Variants in EPC2 observed in about 807,000 individuals in gnomAD.
The protein encoded by EPC2 is enhancer of polycomb homolog 2.
EPC2 carries 14 observed loss-of-function variants against 92.1 expected under a neutral mutation model. That is an observed-to-expected ratio of 0.15 (90% CI 0.10 to 0.24). EPC2 has a LOEUF of 0.24. Ranked by LOEUF, EPC2 falls within the 10% of genes least tolerant of loss-of-function variation. EPC2 has a pLI of 1.00. For synonymous variants in EPC2, 340 were observed against 334.7 expected (o/e 1.02, Z -0.17); for missense variants, 755 against 971.5 (o/e 0.78, Z 2.96).
chr2:148,713,263 T>C (rs1682191369), intron 2 of EPC2, among the ~76,000 whole-genome samples: 1 of 152,152 alleles, frequency 6.6e-6, no homozygotes, highest in Non-Finnish European at 1.5e-5. Flanking sequence ...GGACAAGATG[T>C]AGACATGGAA....
rs551014040 is a variant in EPC2 at position 148,665,558 on chromosome 2, C to T, written c.153+20388C>T. On this transcript the variant is annotated intron_variant, in intron 1 of 13. Transcript: ENST00000258484. ...AAAGAGTAAACATTTGTTGCATTAT[C>T]AAGTGGTACAAGTTAGCATTATACA... Among the ~76,000 whole-genome samples the T allele has an allele frequency of 3.4e-4, 52 of 152,294 alleles. No homozygotes were observed. In the Middle Eastern group the frequency reaches 0.024, roughly 70 times the overall value.
intron 2 of EPC2, among the ~76,000 whole-genome samples, chr2:148,709,264 A>G (rs1360079337): frequency 6.6e-6 from 1 of 152,210 alleles, no homozygotes. Flanking sequence ...AGAGAATAAA[A>G]TACTTAGGAA....
At chr2:148,694,881 C>A (rs1396499254) in intron 2 of EPC2, among the ~76,000 whole-genome samples, 1 of 152,130 alleles carries the variant, frequency 6.6e-6, no homozygotes, top group Non-Finnish European at 1.5e-5. Context: ...TAAGCAATTC[C>A]TCTGCCTCAG....
rs753753207 is a variant in EPC2 at position 148,769,259 on chromosome 2, G to C, written c.1230+19G>C. Reference sequence around the variant, plus strand: ...TTATGCTGTAAGAACTTTTGTGTGTGTGTGGTGTTTTTGTGAACTGGAATT... The same window carrying C: ...TTATGCTGTAAGAACTTTTGTGTGTCTGTGGTGTTTTTGTGAACTGGAATT... On this transcript the variant is annotated intron_variant, in intron 8 of 13. Coordinates refer to ENST00000258484, the MANE Select transcript of EPC2 (RefSeq NM_015630.4). 17 of 1,574,668 alleles carry C rather than the reference G, an allele frequency of 1.1e-5. No homozygotes were observed. In the Middle Eastern group the frequency reaches 6.7e-4, roughly 62 times the overall value.
At chr2:148,653,755 G>C (rs1465069030) in intron 1 of EPC2, among the ~76,000 whole-genome samples, 1 of 150,332 alleles carries the variant, frequency 6.7e-6, no homozygotes, top group Non-Finnish European at 1.5e-5. Context: ...TGGTTGGGGA[G>C]TCAACAAGCA....
intron 2 of EPC2, among the ~76,000 whole-genome samples, chr2:148,733,866 G>A (rs116753086): frequency 0.018 from 2,727 of 152,096 alleles, 73 homozygotes; most frequent in African/African-American, 0.061. Context: ...CCTTTTCACA[G>A]CCTTACCAAA....
chr2:148,710,521 A>G (rs1247093125), intron 2 of EPC2, among the ~76,000 whole-genome samples: 2 of 152,244 alleles, frequency 1.3e-5, no homozygotes, highest in Non-Finnish European at 2.9e-5. Flanking sequence ...AGGATTATAA[A>G]TCATGCTACT....
chr2:148,784,777 C>A lies in EPC2; in HGVS notation c.2127C>A (p.Ile709=). ...TVGHTTTNHL[I]PALCTSSPQT... ...GCCACACCACTACAAACCACTTAAT[C>A]CCAGCATTGTGCACAAGCAGTCCTC... is the stretch of plus-strand genomic sequence containing the variant. Residue 709 remains isoleucine, a synonymous_variant, in exon 13 of 14, where the codon ATC becomes ATA. Coordinates refer to ENST00000258484, the MANE Select transcript of EPC2 (RefSeq NM_015630.4). The A allele has an allele frequency of 6.2e-7, 1 of 1,614,016 alleles. No homozygotes were observed. Among genetic ancestry groups the A allele is most frequent in the South Asian group, 1.1e-5 (1 of 91,084 alleles).
intron 3 of EPC2, among the ~76,000 whole-genome samples, chr2:148,751,964 T>C (rs1683089043): frequency 6.6e-6 from 1 of 152,168 alleles, no homozygotes; most frequent in African/African-American, 2.4e-5. Flanking sequence ...TGTGTTGAAT[T>C]CTTATTACTT....
intron 1 of EPC2, among the ~76,000 whole-genome samples, chr2:148,660,832 G>T (rs1467429789): frequency 6.6e-6 from 1 of 150,878 alleles, no homozygotes; most frequent in Non-Finnish European, 1.5e-5. Context: ...TAGCTCATTT[G>T]GTGTATATTT....
At chr2:148,757,485 C>A (rs977601536) in intron 4 of EPC2, among the ~76,000 whole-genome samples, 1 of 152,152 alleles carries the variant, frequency 6.6e-6, no homozygotes, top group Non-Finnish European at 1.5e-5. Context: ...CTGAGAGTCT[C>A]TAGAAGCAGT....
chr2:148,721,712 C>CTTTTTTTTTT (rs34017461), intron 2 of EPC2, among the ~76,000 whole-genome samples: 17 of 111,472 alleles, frequency 1.5e-4, no homozygotes, highest in Non-Finnish European at 2.2e-4. Context: ...CTGTTTTATT[C>CTTTTTTTTTT]TTTTTTTTTT....
chr2:148,645,533 G>A (rs1156586213), intron 1 of EPC2: 8 of 222,808 alleles, frequency 3.6e-5, no homozygotes, highest in African/African-American at 1.4e-4. Flanking sequence ...AATTAATGGC[G>A]TGGTATTATT....
At chr2:148,658,653 C>A (rs1283348364) in intron 1 of EPC2, among the ~76,000 whole-genome samples, 2 of 146,534 alleles carry the variant, frequency 1.4e-5, no homozygotes, top group African/African-American at 5.0e-5. Flanking sequence ...CTTTTCAGTT[C>A]TATTTTGTTA....
intron 2 of EPC2, among the ~76,000 whole-genome samples, chr2:148,727,327 A>G (rs1391295993): frequency 1.3e-5 from 2 of 152,112 alleles, no homozygotes; most frequent in Admixed American, 6.5e-5. Flanking sequence ...TTAAATCACT[A>G]TAGCTTTATA....
chr2:148,777,088 G>A (rs1256527258), intron 10 of EPC2, among the ~76,000 whole-genome samples: 1 of 151,604 alleles, frequency 6.6e-6, no homozygotes, highest in African/African-American at 2.4e-5. Flanking sequence ...TTGAACCCCT[G>A]ACCTCAGGTG....
intron 2 of EPC2, among the ~76,000 whole-genome samples, chr2:148,708,665 C>T (rs529176546): frequency 6.6e-6 from 1 of 152,330 alleles, no homozygotes; most frequent in East Asian, 1.9e-4. Flanking sequence ...TTGGCTTCAT[C>T]CCTGGGATGC....
intron 2 of EPC2, among the ~76,000 whole-genome samples, chr2:148,706,651 G>A (rs1484833845): frequency 8.5e-5 from 13 of 152,222 alleles, no homozygotes; most frequent in Middle Eastern, 3.4e-3. Flanking sequence ...CGGATCTCTC[G>A]GCAGAAATCC....
chr2:148,784,636 G>C, intron 12 of EPC2, 32 bp from the exon 13 acceptor site: 1 of 1,431,016 alleles, frequency 7.0e-7, no homozygotes, highest in Non-Finnish European at 9.6e-7. Context: ...GATGTCTCAT[G>C]ATACTAGTTG....
Sources: gnomAD v4.1 joint callset for allele counts (sites outside exome capture counted in the v4.1 genomes callset) on GRCh38, gnomAD v4.1.1 for gene constraint, MANE v1.5 for transcripts, NCBI Gene and HGNC (gene_info 2026-07-23, HGNC 2026-07-21) for gene names.